Variants in GNB4 observed in about 807,000 individuals in gnomAD.
GNB4 encodes G protein subunit beta 4, also known as guanine nucleotide-binding protein subunit beta-4.
GNB4 carries 28 observed loss-of-function variants against 45.2 expected under a neutral mutation model. The observed-to-expected ratio is 0.62, with a 90% CI of 0.46 to 0.85. GNB4 has a LOEUF of 0.85. Among genes scored for constraint, GNB4 ranks in the 40% least tolerant of loss-of-function variants. The pLI, the probability that GNB4 is intolerant of heterozygous loss-of-function variation, is 0.00. For missense variants in GNB4, 321 were observed against 425.4 expected, an observed-to-expected ratio of 0.75 and a Z score of 2.16; for synonymous variants, 132 against 143.7, an observed-to-expected ratio of 0.92 and a Z score of 0.58.
the GNB4 span, among the ~76,000 whole-genome samples, chr3:179,467,678 T>C: frequency 6.6e-5 from 10 of 152,330 alleles, no homozygotes; most frequent in African/African-American, 2.4e-4. Context: ...GCACTGTGGC[T>C]GTCAGGCACA....
intron 4 of GNB4, 152 bp from the exon 5 acceptor site, chr3:179,416,708 A>G: frequency 2.1e-6 from 1 of 472,180 alleles, no homozygotes; most frequent in East Asian, 3.6e-5. Context: ...ACTTTTAAAA[A>G]ATTTATGCTG....
chr3:179,414,994 G>A lies in GNB4; in HGVS notation c.321C>T (p.Pro107=). The change falls in exon 6 of 10, where the codon CCC becomes CCT. Residue 107 remains proline (P), a synonymous_variant. Transcript: ENST00000232564. The part of the protein sequence containing the change: ...SSWVMTCAYA[P]SGNYVACGGL... ...CTCCACAGGCAACATAATTACCAGAGGGAGCATAAGCACAGGTCATCACCC... is the reference window on the plus strand; with the variant it reads ...CTCCACAGGCAACATAATTACCAGAAGGAGCATAAGCACAGGTCATCACCC... 1 of 1,611,600 alleles carries A rather than the reference G, an allele frequency of 6.2e-7. No homozygotes were observed. The highest frequency in any genetic ancestry group is 1.1e-5 in the South Asian group (1 of 90,668).
chr3:179,510,003 T>C, the GNB4 span, among the ~76,000 whole-genome samples: 11 of 152,186 alleles, frequency 7.2e-5, no homozygotes, highest in African/African-American at 1.7e-4. Context: ...TTTATTTTAT[T>C]TTATTTTTTT....
rs1283080039 is a variant in GNB4, at chr3:179,400,050, T to C, written c.*1163A>G. ...TGGAATCACTTACATCTAGACATCC[T>C]TTGAAGCAAAACCACTTAGAAACCA... On this transcript the variant is annotated 3_prime_UTR_variant, in exon 10 of 10. Transcript: ENST00000232564. The C allele has an allele frequency of 6.6e-6, 1 of 152,230 alleles. No individual in the cohort carries two copies. The highest frequency in any genetic ancestry group is 1.5e-5 in the Non-Finnish European group (1 of 68,042). The allele number at this position is 152,230 out of a possible 1,614,324, so 9.4% of individuals were successfully genotyped here.
chr3:179,496,593 A>C, the GNB4 span, among the ~76,000 whole-genome samples: 3 of 152,188 alleles, frequency 2.0e-5, no homozygotes, highest in Non-Finnish European at 4.4e-5. Context: ...GCTGCCTATG[A>C]GAAACTCACT....
chr3:179,516,853 C>A, the GNB4 span, among the ~76,000 whole-genome samples: 1 of 152,164 alleles, frequency 6.6e-6, no homozygotes, highest in Non-Finnish European at 1.5e-5. Context: ...ATGCTAGCTG[C>A]TTCTTTAGCT....
chr3:179,427,673 G>A (rs1395813601), intron 1 of GNB4, among the ~76,000 whole-genome samples: 1 of 146,810 alleles, frequency 6.8e-6, no homozygotes, highest in East Asian at 2.1e-4. Flanking sequence ...TTTATTCTTT[G>A]TTGTATCCCC....
chr3:179,420,473 T>A (rs1218343385), intron 3 of GNB4, among the ~76,000 whole-genome samples: 1 of 150,364 alleles, frequency 6.7e-6, no homozygotes, highest in African/African-American at 2.4e-5. Context: ...TATATATATT[T>A]TTTTTTGAGA....
chr3:179,471,119 C>A, the GNB4 span, among the ~76,000 whole-genome samples: 5 of 148,918 alleles, frequency 3.4e-5, no homozygotes, highest in South Asian at 8.4e-4. Context: ...GCGGAGCTTG[C>A]AGTGAGTTGA....
At chr3:179,422,130 A>G (rs569953216) in intron 2 of GNB4, among the ~76,000 whole-genome samples, 2 of 152,256 alleles carry the variant, frequency 1.3e-5, no homozygotes, top group Non-Finnish European at 2.9e-5. Context: ...CATTGAGCTT[A>G]CATTAATATT....
At chr3:179,509,574 G>A in the GNB4 span, among the ~76,000 whole-genome samples, 7 of 151,564 alleles carry the variant, frequency 4.6e-5, no homozygotes, top group Admixed American at 6.6e-5. Flanking sequence ...TCCATGGAGC[G>A]GACTGTTGCC....
chr3:179,442,341 A>G (rs1715616296), intron 1 of GNB4, among the ~76,000 whole-genome samples: 1 of 152,206 alleles, frequency 6.6e-6, no homozygotes, highest in African/African-American at 2.4e-5. Flanking sequence ...ACTACTTCTT[A>G]AAAGTAACAA....
the GNB4 span, among the ~76,000 whole-genome samples, chr3:179,523,831 G>T: frequency 6.6e-6 from 1 of 152,106 alleles, no homozygotes; most frequent in African/African-American, 2.4e-5. Context: ...CTAGGGAAAA[G>T]GGCGGCAATG....
the GNB4 span, among the ~76,000 whole-genome samples, chr3:179,495,176 T>C: frequency 2.0e-5 from 3 of 151,932 alleles, no homozygotes; most frequent in African/African-American, 7.3e-5. Flanking sequence ...TCACTTGAGC[T>C]TAGGAGTTAG....
At chr3:179,461,700 C>T in the GNB4 span, among the ~76,000 whole-genome samples, 1 of 152,180 alleles carries the variant, frequency 6.6e-6, no homozygotes. Flanking sequence ...TCTACACTAA[C>T]TAAAAACAAA....
At chr3:179,521,385 TCAGGCCTGTCCTCGGAATGCTA>T in the GNB4 span, among the ~76,000 whole-genome samples, 1 of 152,200 alleles carries the variant, frequency 6.6e-6, no homozygotes, top group African/African-American at 2.4e-5. Context: ...TTCTCAGAAT[TCAGGCCTGTCCTCGGAATGCTA>T]CAGGGTACAG....
At chr3:179,506,323 G>A in the GNB4 span, among the ~76,000 whole-genome samples, 1 of 152,088 alleles carries the variant, frequency 6.6e-6, no homozygotes, top group Non-Finnish European at 1.5e-5. Flanking sequence ...GGGCGATGAA[G>A]TGAGACCCTG....
the GNB4 span, among the ~76,000 whole-genome samples, chr3:179,498,204 T>C: frequency 6.6e-6 from 1 of 152,182 alleles, no homozygotes; most frequent in Admixed American, 6.5e-5. Flanking sequence ...GTATACCCCA[T>C]GTTATATGTT....
chr3:179,416,054 G>A (rs1001766050), intron 5 of GNB4, among the ~76,000 whole-genome samples: 8 of 151,888 alleles, frequency 5.3e-5, no homozygotes, highest in South Asian at 2.1e-4. Context: ...AGAGATCTAC[G>A]TAAGTTGTCA....
Sources: allele counts gnomAD v4.1 joint callset (sites outside exome capture counted in the v4.1 genomes callset), GRCh38; gene constraint gnomAD v4.1.1; transcripts MANE v1.5; gene names NCBI Gene and HGNC (gene_info 2026-07-23, HGNC 2026-07-21).